The following RBPMS variants were observed in gnomAD, a reference collection of about 807,000 sequenced individuals.
RBPMS encodes RNA binding protein, mRNA processing factor.
In RBPMS, 7 loss-of-function variants were observed where a neutral mutation model predicts 26.8. The ratio of observed to expected loss-of-function variants is 0.26; its 90% CI spans 0.15 to 0.49. RBPMS has a LOEUF of 0.49. RBPMS is among the 20% of genes least tolerant of loss of function. The pLI, the probability that RBPMS is intolerant of heterozygous loss-of-function variation, is 0.98. For missense variants in RBPMS, 186 were observed against 250.0 expected (o/e 0.74, Z 1.73); for synonymous variants, 96 against 93.3 (o/e 1.03, Z -0.17).
rs533798292 is a variant in RBPMS, at chr8:30,566,445, G to C, written c.*111+85G>C. Reference sequence around the variant, plus strand: ...TGTGGGCCTCTGGGGGTGGGGTCTGGCATTCCAGGTGCTCGTGCCCCTCCA... The same window carrying C: ...TGTGGGCCTCTGGGGGTGGGGTCTGCCATTCCAGGTGCTCGTGCCCCTCCA... On this transcript the variant is annotated intron_variant, in intron 8 of 8. Coordinates refer to ENST00000397323, the MANE Select transcript of RBPMS (RefSeq NM_001008710.3). The C allele has an allele frequency of 2.5e-4, 70 of 279,914 alleles. 1 individual carries two copies. The South Asian group carries it at 9.3e-3, about 37-fold the overall frequency. The allele number at this position is 279,914 out of a possible 1,614,324, so 17.3% of individuals were successfully genotyped here.
chr8:30,556,801 A>G (rs1222103324), intron 6 of RBPMS: 2 of 985,480 alleles, frequency 2.0e-6, no homozygotes, highest in African/African-American at 3.5e-5. Context: ...GTGGGTAGGT[A>G]TGAGTTCTTT....
intron 6 of RBPMS, among the ~76,000 whole-genome samples, chr8:30,557,508 G>A (rs1827046632): frequency 1.3e-5 from 2 of 152,210 alleles, no homozygotes; most frequent in African/African-American, 4.8e-5. Context: ...AGGAGATGAG[G>A]CAGGAGCTTT....
At chr8:30,541,253 AT>A (rs1825361945) in intron 5 of RBPMS, among the ~76,000 whole-genome samples, 1 of 152,166 alleles carries the variant, frequency 6.6e-6, no homozygotes, top group Non-Finnish European at 1.5e-5. Flanking sequence ...GCAGAAGATG[AT>A]CTTCCCAAGC....
At chr8:30,450,995 C>G (rs1452077142) in intron 1 of RBPMS, among the ~76,000 whole-genome samples, 1 of 152,000 alleles carries the variant, frequency 6.6e-6, no homozygotes, top group Non-Finnish European at 1.5e-5. Flanking sequence ...TAGCCAGTAT[C>G]TTAATATTTT....
In RBPMS at chr8:30,523,581, A is replaced by G. The variant is rs573475918; in HGVS notation, c.397+19145A>G. On this transcript the variant is annotated intron_variant, in intron 5 of 8. Transcript: ENST00000397323. ...GATTCCTCTAGAAATCTAGTGTGCC[A>G]GGGCTTTAGGGTGAGCACATGACAG... 2.4e-4 allele frequency among the ~76,000 whole-genome samples: 36 copies of G among 150,572 alleles called. No homozygotes were observed. In the South Asian group the frequency reaches 7.1e-3, roughly 30 times the overall value.
At chr8:30,389,531 TC>T (rs1169954151) in intron 1 of RBPMS, among the ~76,000 whole-genome samples, 1 of 152,224 alleles carries the variant, frequency 6.6e-6, no homozygotes, top group Non-Finnish European at 1.5e-5. Flanking sequence ...GTGTAGCTTT[TC>T]AGAAAGGAGT....
In RBPMS at chr8:30,534,108, G is replaced by A. The variant is rs180919951; in HGVS notation, c.398-10386G>A. Reference sequence around the variant, plus strand: ...GAAATTGCGCCACTGACTCCAGCCCGGGTGACAGCACGAGACTCTCAAAAA... The same window carrying A: ...GAAATTGCGCCACTGACTCCAGCCCAGGTGACAGCACGAGACTCTCAAAAA... On this transcript the variant is annotated intron_variant, in intron 5 of 8. Coordinates refer to ENST00000397323, the MANE Select transcript of RBPMS (RefSeq NM_001008710.3). Among the ~76,000 whole-genome samples, 10 of 150,810 alleles carry A rather than the reference G, an allele frequency of 6.6e-5. No individual in the cohort carries two copies. In the East Asian group the frequency reaches 1.2e-3, roughly 18 times the overall value.
chr8:30,568,820 C>T (rs527356897), intron 8 of RBPMS, among the ~76,000 whole-genome samples: 1 of 151,880 alleles, frequency 6.6e-6, no homozygotes, highest in African/African-American at 2.4e-5. Context: ...TTTACAGGGA[C>T]TGAAATAGCC....
At chr8:30,482,464 GTTAGTA>G (rs1044211964) in intron 4 of RBPMS, among the ~76,000 whole-genome samples, 2 of 152,096 alleles carry the variant, frequency 1.3e-5, no homozygotes, top group Admixed American at 6.5e-5. Flanking sequence ...TGGTTCAGTT[GTTAGTA>G]TTAGTGATTA....
chr8:30,435,210 A>G (rs534768494), intron 1 of RBPMS, among the ~76,000 whole-genome samples: 16 of 152,194 alleles, frequency 1.1e-4, no homozygotes, highest in Admixed American at 2.0e-4. Flanking sequence ...TACTTAAAAT[A>G]TTATATAAAA....
chr8:30,419,844 T>C (rs1810546342), intron 1 of RBPMS, among the ~76,000 whole-genome samples: 5 of 152,034 alleles, frequency 3.3e-5, no homozygotes, highest in Admixed American at 2.0e-4. Context: ...TTAGAACACA[T>C]AATAAAAAAC....
intron 5 of RBPMS, among the ~76,000 whole-genome samples, chr8:30,516,386 C>T: frequency 7.0e-6 from 1 of 141,874 alleles, no homozygotes; most frequent in East Asian, 2.3e-4. Context: ...GAAACTGTAT[C>T]TCAAAAAAGA....
At chr8:30,570,194 T>C in intron 8 of RBPMS, among the ~76,000 whole-genome samples, 1 of 152,216 alleles carries the variant, frequency 6.6e-6, no homozygotes, top group Non-Finnish European at 1.5e-5. Context: ...ACTTGGGACA[T>C]TTAAATAGGT....
At chr8:30,528,976 G>A (rs926168057) in intron 5 of RBPMS, among the ~76,000 whole-genome samples, 4 of 151,968 alleles carry the variant, frequency 2.6e-5, no homozygotes, top group African/African-American at 9.7e-5. Flanking sequence ...AGCGCTTTTG[G>A]GGGCCGAGGT....
In RBPMS at chr8:30,555,940, G is replaced by A. The variant is rs1219474589; in HGVS notation, c.529-2947G>A. ...CCGGGCCGGCTGCCCGAACTCTGCT[G>A]TGCACCATGAGCCCTGCCGCTCTGC... On this transcript the variant is annotated intron_variant, in intron 6 of 8. Transcript: ENST00000397323. The A allele has an allele frequency of 4.1e-6, 4 of 985,348 alleles. No individual in the cohort carries two copies. In the African/African-American group the frequency reaches 7.0e-5, roughly 17 times the overall value. The allele number at this position is 985,348 out of a possible 1,614,324, so 61.0% of individuals were successfully genotyped here.
chr8:30,425,864 A>C (rs1298404678), intron 1 of RBPMS, among the ~76,000 whole-genome samples: 1 of 152,096 alleles, frequency 6.6e-6, no homozygotes, highest in Non-Finnish European at 1.5e-5. Flanking sequence ...TTTCATGGGT[A>C]AAAAAACAGC....
intron 1 of RBPMS, among the ~76,000 whole-genome samples, chr8:30,462,477 G>A (rs756108974): frequency 1.4e-4 from 22 of 152,024 alleles, no homozygotes; most frequent in Non-Finnish European, 2.5e-4. Flanking sequence ...AGGCTAGAGT[G>A]TAATGGTGCA....
chr8:30,507,261 A>C (rs1821167188), intron 5 of RBPMS, among the ~76,000 whole-genome samples: 1 of 152,170 alleles, frequency 6.6e-6, no homozygotes. Context: ...AATTTTTTTC[A>C]CTTGGTTGTG....
chr8:30,414,489 G>C (rs1345970492), intron 1 of RBPMS, among the ~76,000 whole-genome samples: 1 of 152,214 alleles, frequency 6.6e-6, no homozygotes, highest in African/African-American at 2.4e-5. Context: ...GGGTCAGCCA[G>C]CTCTGCTCTG....
Sources: gnomAD v4.1 joint callset for allele counts (sites outside exome capture counted in the v4.1 genomes callset) on GRCh38, gnomAD v4.1.1 for gene constraint, MANE v1.5 for transcripts, NCBI Gene and HGNC (gene_info 2026-07-23, HGNC 2026-07-21) for gene names.